The following MMS22L variants were observed in gnomAD, a reference collection of about 807,000 sequenced individuals.
MMS22L encodes the protein MMS22 like, DNA repair protein, also known as protein MMS22-like.
Under a neutral mutation model 159.1 loss-of-function variants are expected in MMS22L, and 74 were observed. That is an observed-to-expected ratio of 0.47 (90% confidence interval 0.39 to 0.56). The LOEUF (loss-of-function observed/expected upper bound fraction) is 0.56. Ranked by LOEUF, MMS22L falls within the 20% of genes least tolerant of loss-of-function variation. The pLI, the probability that MMS22L is intolerant of heterozygous loss-of-function variation, is 0.00. For missense variants in MMS22L, 1,351 were observed against 1,422.1 expected (o/e 0.95, Z 0.80); for synonymous variants, 517 against 506.9 (o/e 1.02, Z -0.27).
chr6:97,260,817 C>A (rs1814386521), intron 9 of MMS22L: 1 of 152,130 alleles, frequency 6.6e-6, no homozygotes, highest in African/African-American at 2.4e-5. Context: ...GCACCAAAGT[C>A]CCATTTCTTT....
rs79077948 is a variant in MMS22L at position 97,219,046 on chromosome 6, C to T, written c.2039+9848G>A. On this transcript the variant is annotated intron_variant, in intron 14 of 24. Coordinates refer to ENST00000683635, the MANE Select transcript of MMS22L (RefSeq NM_001350599.2). Reference sequence around the variant, plus strand: ...GAGAACTCACTCAATACTACAAGAACAGCATGTGGGAACCACCCCCATGAT... The same window carrying T: ...GAGAACTCACTCAATACTACAAGAATAGCATGTGGGAACCACCCCCATGAT... Among the ~76,000 whole-genome samples the T allele has an allele frequency of 9.3e-3, 1,414 of 152,242 alleles. 22 individuals carry two copies. Among genetic ancestry groups the T allele is most frequent in the African/African-American group, 0.033 (1,356 of 41,542 alleles).
At chr6:97,184,495 TA>T (rs1316591465) in intron 15 of MMS22L, among the ~76,000 whole-genome samples, 2 of 151,984 alleles carry the variant, frequency 1.3e-5, no homozygotes, top group Admixed American at 6.6e-5. Context: ...ATGAACATCT[TA>T]AAAAAAATTA....
chr6:97,247,160 A>G (rs181539023), intron 10 of MMS22L, among the ~76,000 whole-genome samples: 1 of 152,272 alleles, frequency 6.6e-6, no homozygotes, highest in African/African-American at 2.4e-5. Context: ...TTTTATACAG[A>G]AAATAAATTG....
At chr6:97,260,353 CATATTT>C (rs1814326225) in intron 9 of MMS22L, 1 of 152,142 alleles carries the variant, frequency 6.6e-6, no homozygotes, top group African/African-American at 2.4e-5. Flanking sequence ...TCACTCTCTT[CATATTT>C]ATCTCATTTT....
intron 19 of MMS22L, among the ~76,000 whole-genome samples, chr6:97,170,600 C>G (rs1206126): frequency 0.55 from 82,907 of 151,914 alleles, 23,510 homozygotes; most frequent in African/African-American, 0.7. Flanking sequence ...ATTTTCTATC[C>G]TCTGTATTTT....
intron 18 of MMS22L, among the ~76,000 whole-genome samples, chr6:97,175,972 T>C (rs897707578): frequency 2.0e-5 from 3 of 152,182 alleles, no homozygotes; most frequent in African/African-American, 7.2e-5. Context: ...ACAAGTGCTT[T>C]TCATTTAGGC....
At chr6:97,203,097 G>A (rs1243363172) in intron 14 of MMS22L, among the ~76,000 whole-genome samples, 1 of 152,148 alleles carries the variant, frequency 6.6e-6, no homozygotes, top group African/African-American at 2.4e-5. Context: ...TGCACTACTA[G>A]AAGAGACTTA....
intron 3 of MMS22L, among the ~76,000 whole-genome samples, chr6:97,279,392 G>A (rs923593366): frequency 1.3e-5 from 2 of 152,070 alleles, no homozygotes; most frequent in African/African-American, 4.8e-5. Context: ...GCTGAGGCAG[G>A]AGAATGGTGT....
intron 14 of MMS22L, among the ~76,000 whole-genome samples, chr6:97,199,451 C>G (rs370575564): frequency 6.6e-6 from 1 of 152,276 alleles, no homozygotes; most frequent in East Asian, 1.9e-4. Flanking sequence ...CTCTTCCCCC[C>G]ACCTCCATTT....
chr6:97,229,439 T>G (rs1335996251), intron 13 of MMS22L, 36 bp from the exon 14 acceptor site: 1 of 1,406,636 alleles, frequency 7.1e-7, no homozygotes. Flanking sequence ...ATAAAATTGT[T>G]TCATTCACAA....
chr6:97,220,686 C>T lies in MMS22L; in HGVS notation c.2039+8208G>A, dbSNP rs533616233. Among the ~76,000 whole-genome samples the T allele has an allele frequency of 2.0e-5, 3 of 150,214 alleles. No individual in the cohort carries two copies. The East Asian group carries it at 5.8e-4, about 29-fold the overall frequency. On this transcript the variant is annotated intron_variant, in intron 14 of 24. Transcript: ENST00000683635. The stretch of plus-strand genomic sequence containing the variant: ...CTCCCCACCTTACCAAAAGAATCAG[C>T]TGATTATAAAAAGAAAGGGTATACA...
intron 14 of MMS22L, among the ~76,000 whole-genome samples, chr6:97,220,396 T>C (rs1383556345): frequency 6.6e-6 from 1 of 152,162 alleles, no homozygotes; most frequent in African/African-American, 2.4e-5. Flanking sequence ...TGTTCTAAAA[T>C]AGTGGTGATG....
At chr6:97,215,719 T>C (rs1240893291) in intron 14 of MMS22L, among the ~76,000 whole-genome samples, 2 of 152,042 alleles carry the variant, frequency 1.3e-5, no homozygotes, top group African/African-American at 4.8e-5. Context: ...TGGCAAGAAA[T>C]AATACTCGCA....
chr6:97,249,996 G>A (rs976441855), intron 10 of MMS22L, among the ~76,000 whole-genome samples: 1 of 151,836 alleles, frequency 6.6e-6, no homozygotes, highest in East Asian at 1.9e-4. Flanking sequence ...CAGTTTTGTG[G>A]CTATAATCTA....
intron 14 of MMS22L, among the ~76,000 whole-genome samples, chr6:97,192,465 G>A (rs1805989530): frequency 6.6e-6 from 1 of 152,160 alleles, no homozygotes; most frequent in African/African-American, 2.4e-5. Context: ...CCTCTATGGA[G>A]CTGCTAAAGC....
chr6:97,160,669 T>C (rs1802346931), intron 22 of MMS22L, among the ~76,000 whole-genome samples: 1 of 152,102 alleles, frequency 6.6e-6, no homozygotes, highest in Non-Finnish European at 1.5e-5. Flanking sequence ...GAAAAAATTT[T>C]AGAAATTATA....
chr6:97,239,609 T>C (rs1811835774), intron 11 of MMS22L, among the ~76,000 whole-genome samples: 4 of 152,202 alleles, frequency 2.6e-5, no homozygotes, highest in Admixed American at 2.0e-4. Context: ...CATTATTTGC[T>C]TGATTAAAGC....
At chr6:97,193,369 G>A (rs1307916143) in intron 14 of MMS22L, among the ~76,000 whole-genome samples, 11 of 152,134 alleles carry the variant, frequency 7.2e-5, no homozygotes, top group African/African-American at 2.4e-4. Flanking sequence ...AAATGAAGTT[G>A]CTTGCCTGTG....
At chr6:97,188,123 A>G (rs1805444929) in intron 14 of MMS22L, among the ~76,000 whole-genome samples, 1 of 152,222 alleles carries the variant, frequency 6.6e-6, no homozygotes, top group African/African-American at 2.4e-5. Flanking sequence ...AGTGAGATAA[A>G]TAACAAACCA....
Sources: allele counts gnomAD v4.1 joint callset (sites outside exome capture counted in the v4.1 genomes callset), GRCh38; gene constraint gnomAD v4.1.1; transcripts MANE v1.5; gene names NCBI Gene and HGNC (gene_info 2026-07-23, HGNC 2026-07-21).